The following GAPVD1 variants were observed in gnomAD, a reference collection of about 807,000 sequenced individuals.
The protein encoded by GAPVD1 is GTPase activating protein and VPS9 domains 1, also known as GTPase-activating protein and VPS9 domain-containing protein 1.
A neutral mutation model predicts 155.5 loss-of-function variants in GAPVD1; 35 were observed. The ratio of observed to expected loss-of-function variants is 0.23; its 90% CI spans 0.17 to 0.30. The LOEUF is 0.30. Among genes scored for constraint, GAPVD1 ranks in the 10% least tolerant of loss-of-function variants. The probability of loss-of-function intolerance (pLI) is 1.00; values close to 1 mark genes in which losing one functional copy is unlikely to be tolerated. For missense variants in GAPVD1, 1,429 were observed against 1,775.7 expected (o/e 0.80, Z 3.51); for synonymous variants, 636 against 619.7 (o/e 1.03, Z -0.39).
In GAPVD1 at chr9:125,289,645, G is replaced by A. The variant is rs192104415; in HGVS notation, c.-149-5813G>A. ...TGTTTTTTAGGGGAAGATGAGGTCA[G>A]TTTTGGACATGTTTTAATTTTGAGA... On this transcript the variant is annotated intron_variant, in intron 2 of 27. Coordinates refer to ENST00000297933, the MANE Select transcript of GAPVD1 (RefSeq NM_001282680.3). Among the ~76,000 whole-genome samples, 5 of 152,204 alleles carry A rather than the reference G, an allele frequency of 3.3e-5. No individual in the cohort carries two copies. In the East Asian group the frequency reaches 7.7e-4, roughly 24 times the overall value.
chr9:125,331,105 A>G (rs1287999123), intron 13 of GAPVD1, among the ~76,000 whole-genome samples: 1 of 152,212 alleles, frequency 6.6e-6, no homozygotes, highest in Non-Finnish European at 1.5e-5. Flanking sequence ...CTAAATGTCA[A>G]CTACCAGAAT....
chr9:125,293,850 TTTTATATATATATATATATA>T (rs1839171423), intron 2 of GAPVD1, among the ~76,000 whole-genome samples: 7 of 42,862 alleles, frequency 1.6e-4, no homozygotes, highest in East Asian at 1.7e-3. Flanking sequence ...TAAAAATATA[TTTTATATATATATATATATA>T]TATATATATA....
intron 15 of GAPVD1, among the ~76,000 whole-genome samples, chr9:125,332,837 T>C (rs999529353): frequency 3.3e-5 from 5 of 152,216 alleles, no homozygotes; most frequent in Non-Finnish European, 7.3e-5. Context: ...AAAAATTCCA[T>C]GTGTAGAGAA....
At chr9:125,283,200 C>T (rs1306995537) in intron 2 of GAPVD1, among the ~76,000 whole-genome samples, 2 of 151,806 alleles carry the variant, frequency 1.3e-5, no homozygotes, top group Non-Finnish European at 2.9e-5. Flanking sequence ...GCTGGGATTA[C>T]AGGCATGCAC....
chr9:125,331,874 G>A (rs369080975), intron 13 of GAPVD1, 52 bp from the exon 14 acceptor site: 36 of 1,574,474 alleles, frequency 2.3e-5, no homozygotes, highest in Admixed American at 5.0e-5. Context: ...AGCTGAAATT[G>A]TGGTGTGCTA....
At chr9:125,328,019 T>C (rs1046153401) in intron 12 of GAPVD1, among the ~76,000 whole-genome samples, 11 of 152,104 alleles carry the variant, frequency 7.2e-5, no homozygotes, top group Non-Finnish European at 1.3e-4. Flanking sequence ...AAGGTAACTT[T>C]TATTAGTAAC....
chr9:125,293,850 T>TTATATATATATAAATATA (rs1839166679), intron 2 of GAPVD1, among the ~76,000 whole-genome samples: 1 of 42,866 alleles, frequency 2.3e-5, no homozygotes, highest in African/African-American at 1.2e-4. Context: ...TAAAAATATA[T>TTATATATATATAAATATA]TTTATATATA....
At position 125,357,967 on chromosome 9, in the gene GAPVD1, T is replaced by G. The variant is rs376433139; in HGVS notation, c.3972-1453T>G. Among the ~76,000 whole-genome samples, 6 of 150,568 alleles carry G rather than the reference T, an allele frequency of 4.0e-5. No homozygotes were observed. The East Asian group carries it at 1.2e-3, about 29-fold the overall frequency. ...TCCAACCTGGACAACAGAGCGAAGC[T>G]CTGTCTTTAAAAAAAAAAAACACAC... On this transcript the variant is annotated intron_variant, in intron 25 of 27. Coordinates refer to ENST00000297933, the MANE Select transcript of GAPVD1 (RefSeq NM_001282680.3).
At chr9:125,283,632 G>A (rs2132232717) in intron 2 of GAPVD1, among the ~76,000 whole-genome samples, 1 of 152,032 alleles carries the variant, frequency 6.6e-6, no homozygotes, top group African/African-American at 2.4e-5. Context: ...TGAAGTGTTG[G>A]GATTATAGGT....
intron 1 of GAPVD1, among the ~76,000 whole-genome samples, chr9:125,263,244 A>G (rs1833244459): frequency 6.6e-6 from 1 of 152,160 alleles, no homozygotes; most frequent in Admixed American, 6.6e-5. Context: ...AGGTCAAGAG[A>G]TCGAGACCAT....
intron 9 of GAPVD1, among the ~76,000 whole-genome samples, chr9:125,315,409 C>G (rs1293933948): frequency 6.6e-6 from 1 of 152,202 alleles, no homozygotes; most frequent in East Asian, 1.9e-4. Flanking sequence ...TGATCCTACC[C>G]TGTTACCATC....
intron 4 of GAPVD1, among the ~76,000 whole-genome samples, chr9:125,299,832 A>G (rs1269877340): frequency 6.7e-6 from 1 of 148,262 alleles, no homozygotes; most frequent in Admixed American, 6.8e-5. Context: ...CAGCCAGGCC[A>G]AGATGATGAA....
rs1846247921 is a variant in GAPVD1 at position 125,332,611 on chromosome 9, A to G, written c.2410A>G (p.Met804Val). Residue 804 changes from methionine to valine, a missense_variant, in exon 15 of 28, where the codon ATG becomes GTG. Coordinates refer to ENST00000297933, the MANE Select transcript of GAPVD1 (RefSeq NM_001282680.3). ...GGKDSVTSPD[M>V]DEITHGAHQL... Reference sequence around the variant, plus strand: ...TAAAGATTCTGTCACTAGTCCAGACATGGATGAAATAACTCACGGTAAGAG... The same window carrying G: ...TAAAGATTCTGTCACTAGTCCAGACGTGGATGAAATAACTCACGGTAAGAG... 2 of 1,609,048 alleles carry G rather than the reference A, an allele frequency of 1.2e-6. No homozygotes were observed. The highest frequency in any genetic ancestry group is 8.5e-7 in the Non-Finnish European group (1 of 1,177,954).
rs1433968261 is a variant in GAPVD1, at chr9:125,299,056, A to T, written c.135A>T (p.Ala45=). The stretch of plus-strand genomic sequence containing the variant: ...CAGCTGAAAAGTTGTATCGTACAGC[A>T]TGGATTGCGAAGCAACAGAGAATCA... ...LKTAEKLYRT[A]WIAKQQRINL... The change falls in exon 4 of 28, where the codon GCA becomes GCT. Residue 45 remains alanine, a synonymous_variant. Transcript: ENST00000297933. 3.7e-6 allele frequency: 6 copies of T among 1,607,894 alleles called. No homozygotes were observed. The highest frequency in any genetic ancestry group is 5.1e-6 in the Non-Finnish European group (6 of 1,177,742).
At chr9:125,276,129 G>T (rs899783776) in intron 2 of GAPVD1, among the ~76,000 whole-genome samples, 3 of 152,132 alleles carry the variant, frequency 2.0e-5, no homozygotes, top group Non-Finnish European at 4.4e-5. Context: ...TTTGAACTGT[G>T]AATACTATCT....
intron 3 of GAPVD1, 93 bp from the exon 4 acceptor site, chr9:125,298,797 T>G: frequency 1.7e-6 from 1 of 597,200 alleles, no homozygotes; most frequent in Non-Finnish European, 2.8e-6. Flanking sequence ...CAAATGTAAC[T>G]GAATTCTTAA....
intron 12 of GAPVD1, among the ~76,000 whole-genome samples, chr9:125,328,941 G>A (rs1317424715): frequency 3.3e-5 from 5 of 152,286 alleles, no homozygotes; most frequent in East Asian, 3.9e-4. Context: ...GAGACCGCCC[G>A]GCCAACACAG....
rs1426249123 is a variant in GAPVD1, at chr9:125,302,537, T to G, written c.740T>G (p.Val247Gly). 1 of 1,613,990 alleles carries G rather than the reference T, an allele frequency of 6.2e-7. No homozygotes were observed. The highest frequency in any genetic ancestry group is 1.1e-5 in the South Asian group (1 of 91,084). ...GGCTCAGATAGATTCAGGCAAAAAG[T>G]TCAAGAAATGGTGGAGTCCAATGAA... ...EKGSDRFRQK[V>G]QEMVESNEAK... is the part of the protein sequence containing the mutation. The change falls in exon 5 of 28, where the codon GTT (valine) becomes GGT (glycine). Residue 247 changes from valine (V) to glycine (G), a missense_variant. By Grantham distance (109) the Val-to-Gly change is moderately radical. Coordinates refer to ENST00000297933, the MANE Select transcript of GAPVD1 (RefSeq NM_001282680.3).
intron 9 of GAPVD1, among the ~76,000 whole-genome samples, chr9:125,314,210 G>A (rs1157736833): frequency 1.3e-5 from 2 of 152,178 alleles, no homozygotes; most frequent in African/African-American, 4.8e-5. Flanking sequence ...ATGTTGAGAT[G>A]TATTTTGAGA....
Sources: allele counts gnomAD v4.1 joint callset (sites outside exome capture counted in the v4.1 genomes callset), GRCh38; gene constraint gnomAD v4.1.1; transcripts MANE v1.5; gene names NCBI Gene and HGNC (gene_info 2026-07-23, HGNC 2026-07-21).